The following NR1H4 variants were observed in gnomAD, a reference collection of about 807,000 sequenced individuals.
NR1H4 encodes nuclear receptor subfamily 1 group H member 4, also known as bile acid receptor.
A neutral mutation model predicts 58.5 loss-of-function variants in NR1H4; 23 were observed. That is an observed-to-expected ratio of 0.39 (90% confidence interval 0.28 to 0.56). The LOEUF is 0.56. Ranked by LOEUF, NR1H4 falls within the 20% of genes least tolerant of loss-of-function variation. The pLI is 0.58. For missense variants in NR1H4, 487 were observed against 576.9 expected (o/e 0.84, Z 1.60); for synonymous variants, 214 against 198.0 (o/e 1.08, Z -0.68).
intron 1 of NR1H4, among the ~76,000 whole-genome samples, chr12:100,476,198 C>T (rs73155606): frequency 0.046 from 7,032 of 152,108 alleles, 228 homozygotes; most frequent in Non-Finnish European, 0.069. Flanking sequence ...TGGCTATTGG[C>T]GGAGGCTGGG....
At chr12:100,483,633 CT>C (rs1208713877) in intron 1 of NR1H4, among the ~76,000 whole-genome samples, 1 of 152,154 alleles carries the variant, frequency 6.6e-6, no homozygotes, top group Non-Finnish European at 1.5e-5. Context: ...AGACCAAATA[CT>C]TGGAAAAATA....
chr12:100,512,390 C>T (rs900389662), intron 4 of NR1H4, among the ~76,000 whole-genome samples: 2 of 152,050 alleles, frequency 1.3e-5, no homozygotes, highest in South Asian at 4.2e-4. Context: ...GCCTGTAATC[C>T]CAGCACTTTG....
At chr12:100,499,634 T>C (rs1191369871) in intron 3 of NR1H4, among the ~76,000 whole-genome samples, 1 of 152,200 alleles carries the variant, frequency 6.6e-6, no homozygotes, top group Non-Finnish European at 1.5e-5. Flanking sequence ...TGGTAGGCGA[T>C]TCCACTGCAG....
chr12:100,509,880 T>A (rs1170433234), intron 3 of NR1H4, among the ~76,000 whole-genome samples: 2 of 152,154 alleles, frequency 1.3e-5, no homozygotes, highest in African/African-American at 4.8e-5. Context: ...TTCTGTATCA[T>A]GCAGAAATTT....
At chr12:100,500,436 T>A (rs1030371778) in intron 3 of NR1H4, among the ~76,000 whole-genome samples, 4 of 152,214 alleles carry the variant, frequency 2.6e-5, no homozygotes, top group African/African-American at 9.6e-5. Flanking sequence ...GGAAATGTTC[T>A]AGCTCTACTT....
At chr12:100,528,953 T>G (rs149887125) in intron 4 of NR1H4, among the ~76,000 whole-genome samples, 2 of 152,280 alleles carry the variant, frequency 1.3e-5, no homozygotes, top group African/African-American at 2.4e-5. Context: ...GGCTGACTCA[T>G]GTAGGCTCAA....
At chr12:100,551,802 A>T (rs1056621025) in intron 9 of NR1H4, among the ~76,000 whole-genome samples, 1 of 152,210 alleles carries the variant, frequency 6.6e-6, no homozygotes, top group Non-Finnish European at 1.5e-5. Context: ...ATACCAGTTA[A>T]TGGCTGCTCA....
intron 1 of NR1H4, among the ~76,000 whole-genome samples, chr12:100,489,162 G>C (rs1358941522): frequency 6.6e-6 from 1 of 152,132 alleles, no homozygotes; most frequent in African/African-American, 2.4e-5. Context: ...CCAGTAAGAA[G>C]CTGTTAAGAG....
chr12:100,500,504 G>C (rs1251900813), intron 3 of NR1H4, among the ~76,000 whole-genome samples: 1 of 152,148 alleles, frequency 6.6e-6, no homozygotes, highest in East Asian at 1.9e-4. Context: ...AATGTGACTG[G>C]TGTGACTGAG....
At chr12:100,503,397 C>T (rs766941311) in intron 3 of NR1H4, 4 of 1,596,864 alleles carry the variant, frequency 2.5e-6, no homozygotes, top group African/African-American at 2.7e-5. Flanking sequence ...AATGGTAATG[C>T]AGTTTCAGGG....
intron 4 of NR1H4, among the ~76,000 whole-genome samples, chr12:100,520,200 T>C (rs1359187975): frequency 2.0e-5 from 3 of 152,194 alleles, no homozygotes; most frequent in African/African-American, 7.2e-5. Context: ...AAGCGAATTA[T>C]ACTCTGTAAC....
Position 100,514,249 on chromosome 12 carries a change from C to A in NR1H4, c.445+3106C>A, listed in dbSNP as rs1359767142. Among the ~76,000 whole-genome samples, 7 of 152,262 alleles carry A rather than the reference C, an allele frequency of 4.6e-5. No homozygotes were observed. The East Asian group carries it at 1.2e-3, about 25-fold the overall frequency. On this transcript the variant is annotated intron_variant, in intron 4 of 10. Transcript: ENST00000392986. ...GGAGATTTGTATGTTAGGTGGGACA[C>A]TGTATTAGCTGGCTTCTGAAGTCCT...
intron 4 of NR1H4, among the ~76,000 whole-genome samples, chr12:100,522,457 CTATTAT>C (rs1316296068): frequency 6.6e-6 from 1 of 151,856 alleles, no homozygotes; most frequent in African/African-American, 2.4e-5. Context: ...GCTATTATTA[CTATTAT>C]CATTGGGTTG....
chr12:100,498,357 G>A (rs973220206), intron 3 of NR1H4, among the ~76,000 whole-genome samples: 1 of 152,168 alleles, frequency 6.6e-6, no homozygotes, highest in African/African-American at 2.4e-5. Context: ...ACGTAAATAA[G>A]GCTGGGCGCG....
In NR1H4 at chr12:100,511,253, C is replaced by A. The variant is rs192160456; in HGVS notation, c.445+110C>A. On this transcript the variant is annotated intron_variant, in intron 4 of 10. Coordinates refer to ENST00000392986, the MANE Select transcript of NR1H4 (RefSeq NM_001206979.2). ...CCCAGGCAACTTCCCATTTTCTCCT[C>A]CTGTGCGCCTACCTCCTCCTACATC... The A allele has an allele frequency of 4.7e-5, 64 of 1,348,274 alleles. No homozygotes were observed. The East Asian group carries it at 1.4e-3, about 28-fold the overall frequency. The allele number at this position is 1,348,274 out of a possible 1,614,324, so 83.5% of individuals were successfully genotyped here. A position where few individuals can be genotyped will look rare whatever the true frequency, so the allele number is the denominator to read the frequency against.
At chr12:100,486,621 A>G (rs1953497893) in intron 1 of NR1H4, among the ~76,000 whole-genome samples, 1 of 152,224 alleles carries the variant, frequency 6.6e-6, no homozygotes, top group South Asian at 2.1e-4. Context: ...AGAGTGTGAT[A>G]AAAGATATGA....
intron 3 of NR1H4, among the ~76,000 whole-genome samples, chr12:100,494,645 A>G (rs1339078479): frequency 1.3e-5 from 2 of 152,254 alleles, no homozygotes; most frequent in Non-Finnish European, 2.9e-5. Context: ...AGTCAAGGGC[A>G]GTGGGAGGCC....
chr12:100,505,868 A>G (rs1345689794), intron 3 of NR1H4: 1 of 400,962 alleles, frequency 2.5e-6, no homozygotes, highest in Admixed American at 4.0e-5. Context: ...TTGTTTACTT[A>G]TTTTTGTCCT....
intron 1 of NR1H4, among the ~76,000 whole-genome samples, chr12:100,490,665 G>A (rs1953586323): frequency 6.6e-6 from 1 of 152,086 alleles, no homozygotes; most frequent in African/African-American, 2.4e-5. Context: ...TTAGTATCAT[G>A]ATTCATATAT....
Sources: gnomAD v4.1 joint callset for allele counts (sites outside exome capture counted in the v4.1 genomes callset) on GRCh38, gnomAD v4.1.1 for gene constraint, MANE v1.5 for transcripts, NCBI Gene and HGNC (gene_info 2026-07-23, HGNC 2026-07-21) for gene names.